The following THSD7A variants were observed in gnomAD, a reference collection of about 807,000 sequenced individuals.
THSD7A encodes the protein thrombospondin type 1 domain containing 7A.
In THSD7A, 96 loss-of-function variants were observed where a neutral mutation model predicts 231.3. That is an observed-to-expected ratio of 0.41 (90% CI 0.35 to 0.49). The LOEUF (loss-of-function observed/expected upper bound fraction) is 0.49, where lower values mean the gene tolerates loss of function less well. Ranked by LOEUF, THSD7A falls within the 20% of genes least tolerant of loss-of-function variation. The pLI, the probability that THSD7A is intolerant of heterozygous loss-of-function variation, is 0.05. For synonymous variants in THSD7A, 940 were observed against 743.3 expected, an observed-to-expected ratio of 1.26 and a Z score of -4.30; for missense variants, 2,290 against 2,070.2, an observed-to-expected ratio of 1.11 and a Z score of -2.06.
At chr7:11,562,697 T>A (rs1426338111) in intron 4 of THSD7A, among the ~76,000 whole-genome samples, 1 of 152,202 alleles carries the variant, frequency 6.6e-6, no homozygotes, top group African/African-American at 2.4e-5. Flanking sequence ...TAAAATTAGT[T>A]ACAAATGGCT....
chr7:11,604,352 C>T (rs577000290), intron 2 of THSD7A, among the ~76,000 whole-genome samples: 6 of 152,044 alleles, frequency 3.9e-5, no homozygotes, highest in Non-Finnish European at 7.4e-5. Context: ...AACCGGGTAC[C>T]GTGTTGAGTT....
chr7:11,623,808 C>G (rs1359866027), intron 2 of THSD7A, among the ~76,000 whole-genome samples: 3 of 152,118 alleles, frequency 2.0e-5, no homozygotes, highest in African/African-American at 7.2e-5. Context: ...AAGGTTAGAA[C>G]AAACAGAGCC....
At chr7:11,445,693 C>G (rs1290904577) in intron 13 of THSD7A, among the ~76,000 whole-genome samples, 1 of 152,136 alleles carries the variant, frequency 6.6e-6, no homozygotes, top group South Asian at 2.1e-4. Context: ...TGATTCAAAT[C>G]TTATTTCCTC....
At chr7:11,541,915 T>A (rs1348408578) in intron 5 of THSD7A, among the ~76,000 whole-genome samples, 2 of 144,976 alleles carry the variant, frequency 1.4e-5, no homozygotes, top group African/African-American at 5.1e-5. Context: ...CCATCTCCCT[T>A]GTAGGGCGTA....
At chr7:11,460,562 T>C (rs1401740140) in intron 11 of THSD7A, 100 bp downstream of exon 11, 19 of 834,162 alleles carry the variant, frequency 2.3e-5, no homozygotes, top group Middle Eastern at 3.4e-4. Context: ...ATATCTGCTT[T>C]GCTCTGTTTG....
intron 6 of THSD7A, among the ~76,000 whole-genome samples, chr7:11,485,583 G>A (rs1786622467): frequency 1.3e-5 from 2 of 152,082 alleles, no homozygotes; most frequent in Admixed American, 6.5e-5. Context: ...GACTCAAAAA[G>A]GTTAAGTTAT....
chr7:11,543,265 G>C, intron 4 of THSD7A, 148 bp from the exon 5 acceptor site: 1 of 587,432 alleles, frequency 1.7e-6, no homozygotes, highest in Non-Finnish European at 2.8e-6. Flanking sequence ...CACATCCTGA[G>C]AATAAAAAGA....
intron 23 of THSD7A, among the ~76,000 whole-genome samples, chr7:11,386,980 T>C (rs1782771070): frequency 2.6e-5 from 4 of 152,216 alleles, no homozygotes; most frequent in Admixed American, 6.5e-5. Flanking sequence ...CCTTTCCCCA[T>C]TGATTGTTTT....
In THSD7A at chr7:11,664,279, A is replaced by G. The variant is rs987815572; in HGVS notation, c.191-27318T>C. On this transcript the variant is annotated intron_variant, in intron 1 of 27. Transcript: ENST00000423059. ...ATGTTGTCCCTGCTTACAGCAAAAT[A>G]AAATCTACAGCAGTGCGAATAACAG... is the stretch of plus-strand genomic sequence containing the variant. 1.8e-4 allele frequency among the ~76,000 whole-genome samples: 27 copies of G among 151,894 alleles called. 1 individual carries two copies. The highest frequency in any genetic ancestry group is 2.4e-5 in the African/African-American group (1 of 41,420).
chr7:11,477,605 C>T (rs7805955), intron 7 of THSD7A, among the ~76,000 whole-genome samples: 102,961 of 151,970 alleles, frequency 0.68, 34,955 homozygotes, highest in South Asian at 0.77. Flanking sequence ...ATTATTTTGT[C>T]ATTAAAATTG....
In THSD7A at chr7:11,636,465, G is replaced by C. The variant is rs1232591564; in HGVS notation, c.687C>G (p.Gly229=). ...RHVVAPPQFG[G]SGCPNLTEFQ... Reference sequence around the variant, plus strand: ...ACTCCGTCAGGTTTGGACAGCCAGAGCCTCCGAACTGCGGGGGCGCCACCA... The same window carrying C: ...ACTCCGTCAGGTTTGGACAGCCAGACCCTCCGAACTGCGGGGGCGCCACCA... The change falls in exon 2 of 28, where the codon GGC becomes GGG. Residue 229 remains glycine (G), a synonymous_variant. Transcript: ENST00000423059. The surrounding 1 kb of genome is among the most constrained non-coding windows in gnomAD (Gnocchi z 10.0). The C allele has an allele frequency of 1.9e-6, 3 of 1,613,530 alleles. No homozygotes were observed. The highest frequency in any genetic ancestry group is 2.5e-6 in the Non-Finnish European group (3 of 1,179,814).
At chr7:11,530,259 G>C (rs1296168696) in intron 6 of THSD7A, among the ~76,000 whole-genome samples, 1 of 152,102 alleles carries the variant, frequency 6.6e-6, no homozygotes, top group Non-Finnish European at 1.5e-5. Context: ...GGAATTTGAA[G>C]GCATACTGAG....
intron 13 of THSD7A, among the ~76,000 whole-genome samples, chr7:11,433,051 T>A (rs1376813736): frequency 6.6e-6 from 1 of 151,990 alleles, no homozygotes. Flanking sequence ...AGAAAGAAGA[T>A]GCCACTGCTA....
chr7:11,503,400 G>A (rs1562663605), intron 6 of THSD7A, among the ~76,000 whole-genome samples: 1 of 152,050 alleles, frequency 6.6e-6, no homozygotes, highest in Non-Finnish European at 1.5e-5. Context: ...CACAGGAATG[G>A]GCAAAGATTT....
intron 1 of THSD7A, among the ~76,000 whole-genome samples, chr7:11,744,705 C>T (rs187431437): frequency 6.0e-5 from 9 of 150,142 alleles, no homozygotes; most frequent in African/African-American, 1.7e-4. Context: ...TGGTTTTGGT[C>T]CTTGTGATAG....
chr7:11,675,281 G>A (rs1256113433), intron 1 of THSD7A, among the ~76,000 whole-genome samples: 2 of 152,108 alleles, frequency 1.3e-5, no homozygotes, highest in Non-Finnish European at 1.5e-5. Context: ...ACAGACCAGC[G>A]GTTTCCCTTG....
intron 1 of THSD7A, among the ~76,000 whole-genome samples, chr7:11,652,364 A>C (rs905819761): frequency 3.9e-5 from 6 of 152,006 alleles, no homozygotes. Flanking sequence ...ACTGTGATAC[A>C]CTTAGAACAC....
At chr7:11,511,987 G>C (rs1787828487) in intron 6 of THSD7A, among the ~76,000 whole-genome samples, 1 of 152,152 alleles carries the variant, frequency 6.6e-6, no homozygotes, top group Non-Finnish European at 1.5e-5. Context: ...TATTATCAGA[G>C]TGAACAGGCA....
intron 11 of THSD7A, among the ~76,000 whole-genome samples, chr7:11,453,369 C>A (rs1231185276): frequency 6.6e-6 from 1 of 150,954 alleles, no homozygotes; most frequent in African/African-American, 2.4e-5. Context: ...TCTTTTTAAA[C>A]CAATAAGTGA....
Sources: allele counts gnomAD v4.1 joint callset (sites outside exome capture counted in the v4.1 genomes callset), GRCh38; gene constraint gnomAD v4.1.1; non-coding constraint Gnocchi (gnomAD v3.1); transcripts MANE v1.5; gene names NCBI Gene and HGNC (gene_info 2026-07-23, HGNC 2026-07-21).